Variants in SLC17A5 observed in about 807,000 individuals in gnomAD.
SLC17A5 encodes the protein solute carrier family 17 member 5, also known as sialin.
In SLC17A5, 47 loss-of-function variants were observed where a neutral mutation model predicts 59.4. The ratio of observed to expected loss-of-function variants is 0.79; its 90% CI spans 0.63 to 1.01. SLC17A5 has a LOEUF of 1.01. Among genes scored for constraint, SLC17A5 ranks in the 50% least tolerant of loss-of-function variants. The pLI is 0.00. For missense variants in SLC17A5, 522 were observed against 595.5 expected (o/e 0.88, Z 1.28); for synonymous variants, 202 against 210.7 (o/e 0.96, Z 0.36).
At chr6:73,642,514 G>A (rs1769333255) in intron 2 of SLC17A5, among the ~76,000 whole-genome samples, 1 of 152,194 alleles carries the variant, frequency 6.6e-6, no homozygotes, top group African/African-American at 2.4e-5. Context: ...ATGCATAAAT[G>A]TAGATATTAA....
chr6:73,644,324 A>G (rs1769435123), intron 2 of SLC17A5, 83 bp downstream of exon 2: 1 of 1,074,698 alleles, frequency 9.3e-7, no homozygotes, highest in Non-Finnish European at 1.4e-6. Flanking sequence ...TAGTTTCTGT[A>G]GGATGAAAAA....
intron 1 of SLC17A5, among the ~76,000 whole-genome samples, chr6:73,650,714 G>A (rs1769820590): frequency 6.6e-6 from 1 of 150,650 alleles, no homozygotes; most frequent in South Asian, 2.1e-4. Context: ...AGAAAATAAA[G>A]TGTTGGACTT....
rs765443380 is a variant in SLC17A5, at chr6:73,635,386, T to A, written c.815A>T (p.Asn272Ile). 1 of 1,529,396 alleles carries A rather than the reference T, an allele frequency of 6.5e-7. No individual in the cohort carries two copies. Among genetic ancestry groups the A allele is most frequent in the South Asian group, 1.1e-5 (1 of 88,854 alleles). 94.7% of individuals were successfully genotyped at this position (1,529,396 alleles called of 1,614,324 possible). ...AAAATGTGTCAAAGTCCATACCTGATTTCTTAATGATGAAAGAATGTATTC... is the reference window on the plus strand; with the variant it reads ...AAAATGTGTCAAAGTCCATACCTGAATTCTTAATGATGAAAGAATGTATTC... ...EKEYILSSLRNQLSSQKSVPW... is the reference protein window; with the variant it reads ...EKEYILSSLRIQLSSQKSVPW... The change falls in exon 6 of 11, where the codon AAT becomes ATT. Residue 272 changes from asparagine (N) to isoleucine (I), a missense_variant. Physicochemically the swap from Asn to Ile is moderately radical, Grantham distance 149. This residue lies in a region of SLC17A5 where 338 missense variants were observed against 363.8 expected (regional missense o/e 0.93). Coordinates refer to ENST00000355773, the MANE Select transcript of SLC17A5 (RefSeq NM_012434.5).
chr6:73,642,582 A>G (rs1236640683), intron 2 of SLC17A5, among the ~76,000 whole-genome samples: 1 of 152,242 alleles, frequency 6.6e-6, no homozygotes, highest in Non-Finnish European at 1.5e-5. Flanking sequence ...AATTCCAAAG[A>G]GCAAGAATTT....
intron 6 of SLC17A5, among the ~76,000 whole-genome samples, chr6:73,624,252 A>T (rs577901618): frequency 6.6e-6 from 1 of 151,954 alleles, no homozygotes; most frequent in South Asian, 2.1e-4. Context: ...AAAAATACAA[A>T]AATTAGCCGG....
rs997630991 is a variant in SLC17A5 at position 73,594,721 on chromosome 6, T to A, written c.*356A>T. The A allele has an allele frequency of 3.3e-6, 1 of 300,680 alleles. No individual in the cohort carries two copies. The highest frequency in any genetic ancestry group is 2.2e-5 in the African/African-American group (1 of 45,402). The allele number at this position is 300,680 out of a possible 1,614,324, so 18.6% of individuals were successfully genotyped here. On this transcript the variant is annotated 3_prime_UTR_variant, in exon 11 of 11. Coordinates refer to ENST00000355773, the MANE Select transcript of SLC17A5 (RefSeq NM_012434.5). ...GTGAACAACAACAGGTGTTTATCAG[T>A]ACCTGAGAATTATCATCTAGTTTAA...
chr6:73,649,268 G>A (rs1769735252), intron 1 of SLC17A5, among the ~76,000 whole-genome samples: 1 of 152,176 alleles, frequency 6.6e-6, no homozygotes. Context: ...AAAGCATTGG[G>A]ATTACAGGCA....
intron 1 of SLC17A5, 86 bp from the exon 2 acceptor site, chr6:73,644,689 C>G: frequency 7.7e-7 from 1 of 1,301,672 alleles, no homozygotes; most frequent in East Asian, 2.5e-5. Flanking sequence ...TTAGGCTGGT[C>G]TTGAACTCCT....
chr6:73,645,327 G>A (rs1307680066), intron 1 of SLC17A5: 1 of 985,202 alleles, frequency 1.0e-6, no homozygotes, highest in Non-Finnish European at 1.2e-6. Flanking sequence ...TGAATCAGAA[G>A]CCATGATTAA....
rs372267217 is a variant in SLC17A5, at chr6:73,626,360, G to A, written c.820-4398C>T. On this transcript the variant is annotated intron_variant, in intron 6 of 10. Transcript: ENST00000355773. ...AGGCTTAGAAAGAAGAATGTGAAAT[G>A]TATGTATTCCAGCTTAGTGTTCATT... is the stretch of plus-strand genomic sequence containing the variant. Among the ~76,000 whole-genome samples, 6 of 152,188 alleles carry A rather than the reference G, an allele frequency of 3.9e-5. No individual in the cohort carries two copies. The East Asian group carries it at 1.2e-3, about 29-fold the overall frequency.
chr6:73,651,017 G>A (rs1400523336), intron 1 of SLC17A5, among the ~76,000 whole-genome samples: 1 of 152,184 alleles, frequency 6.6e-6, no homozygotes, highest in African/African-American at 2.4e-5. Flanking sequence ...CAGGAGGGCA[G>A]AAGATGTTAA....
In SLC17A5 at chr6:73,641,789, T is replaced by A. The variant is rs1410164648; in HGVS notation, c.427A>T (p.Ile143Phe). The A allele has an allele frequency of 6.2e-7, 1 of 1,614,038 alleles. No homozygotes were observed. The highest frequency in any genetic ancestry group is 1.7e-5 in the Admixed American group (1 of 59,992). Residue 143 changes from isoleucine to phenylalanine, a missense_variant, in exon 3 of 11, where the codon ATC (isoleucine) becomes TTC (phenylalanine). Physicochemically the swap from Ile to Phe is conservative, Grantham distance 21 (BLOSUM62 0). Around this residue, in one of 3 missense-constraint regions of SLC17A5, gnomAD observed 338 missense variants for 363.8 expected, o/e 0.93. Coordinates refer to ENST00000355773, the MANE Select transcript of SLC17A5 (RefSeq NM_012434.5). ...AGGGTGAGGACAGCAGTGCCAAGGA[T>A]CCCAAATCCTAGCAGCATTTTCCCC... ...IGGKMLLGFG[I>F]LGTAVLTLFT...
At chr6:73,644,904 CA>C (rs1487004113) in intron 1 of SLC17A5, among the ~76,000 whole-genome samples, 1 of 152,092 alleles carries the variant, frequency 6.6e-6, no homozygotes, top group African/African-American at 2.4e-5. Flanking sequence ...AAACATTTGT[CA>C]AAGATTAGCT....
intron 9 of SLC17A5, among the ~76,000 whole-genome samples, chr6:73,600,729 G>A (rs1403026649): frequency 2.6e-5 from 4 of 152,020 alleles, no homozygotes; most frequent in Non-Finnish European, 5.9e-5. Flanking sequence ...TCGAGCTCCT[G>A]ACCTCAAGTG....
rs997100858 is a variant in SLC17A5, at chr6:73,593,836, A to T, written c.*1241T>A. ...TCTCAACACTTTGTGAGGCCGAGACAGGAGGATCGCTTGAAGCCAGGAGTT... is the reference window on the plus strand; with the variant it reads ...TCTCAACACTTTGTGAGGCCGAGACTGGAGGATCGCTTGAAGCCAGGAGTT... On this transcript the variant is annotated 3_prime_UTR_variant, in exon 11 of 11. Coordinates refer to ENST00000355773, the MANE Select transcript of SLC17A5 (RefSeq NM_012434.5). 6.6e-6 allele frequency: 1 copy of T among 152,142 alleles called. No individual in the cohort carries two copies. The highest frequency in any genetic ancestry group is 2.4e-5 in the African/African-American group (1 of 41,428). 9.4% of individuals were successfully genotyped at this position (152,142 alleles called of 1,614,324 possible).
chr6:73,607,775 A>ATT lies in SLC17A5; in HGVS notation c.1259+2623_1259+2624dup, dbSNP rs10716332. On this transcript the variant is annotated intron_variant, in intron 9 of 10. Transcript: ENST00000355773. ...CTGAACCAATTTTATGTTCCTTATAATTTTTTTTTTTTTTTTTTTGAGATG... is the reference window on the plus strand; with the variant it reads ...CTGAACCAATTTTATGTTCCTTATAATTTTTTTTTTTTTTTTTTTTTGAGATG... 1.1e-3 allele frequency among the ~76,000 whole-genome samples: 149 copies of ATT among 130,434 alleles called. 4 individuals carry two copies. The highest frequency in any genetic ancestry group is 3.4e-3 in the South Asian group (14 of 4,108). The allele number at this position is 130,434 out of a possible 152,430, so 85.6% of individuals were successfully genotyped here. A position where few individuals can be genotyped will look rare whatever the true frequency, so the allele number is the denominator to read the frequency against.
intron 10 of SLC17A5, among the ~76,000 whole-genome samples, chr6:73,597,519 T>C (rs1314629288): frequency 6.6e-6 from 1 of 151,814 alleles, no homozygotes; most frequent in East Asian, 1.9e-4. Flanking sequence ...GCATGGCGGC[T>C]CATGCCTGTA....
intron 1 of SLC17A5, among the ~76,000 whole-genome samples, chr6:73,650,524 A>G (rs889371502): frequency 2.0e-5 from 3 of 150,610 alleles, no homozygotes; most frequent in East Asian, 3.9e-4. Context: ...AAAAAAAAAA[A>G]AAAAAAAGAA....
intron 1 of SLC17A5, among the ~76,000 whole-genome samples, chr6:73,649,259 A>T (rs148911846): frequency 6.6e-6 from 1 of 152,342 alleles, no homozygotes; most frequent in East Asian, 1.9e-4. Flanking sequence ...TGGCATCCCA[A>T]AGCATTGGGA....
Sources: allele counts gnomAD v4.1 joint callset (sites outside exome capture counted in the v4.1 genomes callset), GRCh38; gene constraint gnomAD v4.1.1; regional missense constraint gnomAD v4.1.1; transcripts MANE v1.5; gene names NCBI Gene and HGNC (gene_info 2026-07-23, HGNC 2026-07-21).